Variants in ESR1 observed in about 807,000 individuals in gnomAD.
ESR1 encodes the protein estrogen receptor 1.
Under a neutral mutation model 52.7 loss-of-function variants are expected in ESR1, and 12 were observed. The observed-to-expected ratio is 0.23, with a 90% CI of 0.15 to 0.37. ESR1 has a LOEUF of 0.37. Ranked by LOEUF, ESR1 falls within the 10% of genes least tolerant of loss-of-function variation. ESR1 has a pLI of 1.00. For missense variants in ESR1, 584 were observed against 779.7 expected (o/e 0.75, Z 2.99); for synonymous variants, 305 against 316.8 (o/e 0.96, Z 0.39).
chr6:151,972,970 C>T (rs1376715828), intron 4 of ESR1, among the ~76,000 whole-genome samples: 1 of 152,168 alleles, frequency 6.6e-6, no homozygotes, highest in Admixed American at 6.5e-5. Context: ...CTAAACCAGT[C>T]TAGTCTTTCC....
chr6:151,970,387 T>C (rs982380483), intron 4 of ESR1, among the ~76,000 whole-genome samples: 3 of 152,082 alleles, frequency 2.0e-5, no homozygotes, highest in Non-Finnish European at 4.4e-5. Flanking sequence ...CACAAGCATA[T>C]ACAAATTTTA....
At chr6:151,740,159 C>T (rs1423104156) in intron 2 of ESR1, among the ~76,000 whole-genome samples, 1 of 151,972 alleles carries the variant, frequency 6.6e-6, no homozygotes, top group African/African-American at 2.4e-5. Context: ...AGCTCTGTCA[C>T]CCAGCCTGGA....
rs113293464 is a variant in ESR1 at position 151,714,723 on chromosome 6, A to G, written c.-71+12718A>G. Among the ~76,000 whole-genome samples, 392 of 151,966 alleles carry G rather than the reference A, an allele frequency of 2.6e-3. 2 individuals carry two copies. Among genetic ancestry groups the G allele is most frequent in the African/African-American group, 8.7e-3 (360 of 41,460 alleles). ...TCCGCCATTCCTTTATTTTGAGCCT[A>G]TGTGTATCTTTGCATGTGATATGGG... On this transcript the variant is annotated intron_variant, in intron 2 of 2. Coordinates refer to the ESR1 transcript ENST00000404742.
chr6:151,968,780 C>T (rs964060703), intron 4 of ESR1, among the ~76,000 whole-genome samples: 21 of 152,092 alleles, frequency 1.4e-4, no homozygotes, highest in African/African-American at 4.1e-4. Flanking sequence ...CATTTCCTCT[C>T]GCAGGCACAC....
chr6:152,088,545 C>T (rs1416169888), intron 6 of ESR1, among the ~76,000 whole-genome samples: 1 of 152,178 alleles, frequency 6.6e-6, no homozygotes, highest in African/African-American at 2.4e-5. Flanking sequence ...GTGGTTGAAA[C>T]CATTCACGGA....
At chr6:151,850,710 C>T (rs370153011) in intron 2 of ESR1, among the ~76,000 whole-genome samples, 10 of 152,054 alleles carry the variant, frequency 6.6e-5, no homozygotes, top group African/African-American at 2.2e-4. Context: ...CCACTCCCTC[C>T]GGCATCCGTA....
intron 2 of ESR1, among the ~76,000 whole-genome samples, chr6:151,705,850 T>C (rs753329573): frequency 2.0e-5 from 3 of 152,222 alleles, no homozygotes; most frequent in Admixed American, 6.5e-5. Flanking sequence ...AGAGGATCCT[T>C]AGTACATGCT....
At chr6:151,949,574 C>T (rs1461898175) in intron 4 of ESR1, among the ~76,000 whole-genome samples, 1 of 152,238 alleles carries the variant, frequency 6.6e-6, no homozygotes, top group Non-Finnish European at 1.5e-5. Flanking sequence ...TTAGATTTTG[C>T]ACCCACTGTA....
At position 151,969,842 on chromosome 6, in the gene ESR1, TTTG is replaced by T. The variant is rs58812094; in HGVS notation, c.1096+25355_1096+25357del. 2.3e-3 allele frequency among the ~76,000 whole-genome samples: 353 copies of T among 152,016 alleles called. 1 individual carries two copies. Among genetic ancestry groups the T allele is most frequent in the East Asian group, 0.011 (59 of 5,174 alleles). ...AAATCTCCTAATCCTATTCTGTGCT[TTTG>T]TTGTTGTTGTTGTTGTTGTTAGTGG... On this transcript the variant is annotated intron_variant, in intron 4 of 7. Coordinates refer to ENST00000206249, the MANE Select transcript of ESR1 (RefSeq NM_000125.4).
chr6:152,023,088 A>G (rs2043823031), intron 5 of ESR1, among the ~76,000 whole-genome samples: 1 of 152,190 alleles, frequency 6.6e-6, no homozygotes, highest in Non-Finnish European at 1.5e-5. Context: ...TCAGGAGCTC[A>G]TTGTTTCTAA....
At position 152,053,653 on chromosome 6, in the gene ESR1, CCT is replaced by C. The variant is rs147485631; in HGVS notation, c.1236-7319_1236-7318del. 0.23 allele frequency among the ~76,000 whole-genome samples: 33,603 copies of C among 146,462 alleles called. 5,387 individuals carry two copies. Among genetic ancestry groups the C allele is most frequent in the African/African-American group, 0.45 (18,331 of 40,310 alleles). ...TTCTTTCTGTCTCTGTCTCTGTCTG[CCT>C]CTCTCTCTCTCTCTCTCTTCCCTAG... On this transcript the variant is annotated intron_variant, in intron 5 of 7. Transcript: ENST00000206249. This position sits in a 1 kb window ranked among gnomAD's most constrained non-coding sequence, Gnocchi z 4.1.
chr6:151,710,723 GC>G (rs563081982), intron 2 of ESR1, among the ~76,000 whole-genome samples: 2 of 151,264 alleles, frequency 1.3e-5, no homozygotes, highest in Non-Finnish European at 1.5e-5. Flanking sequence ...CCCTCCCCTA[GC>G]CCCCCACCCT....
intron 2 of ESR1, among the ~76,000 whole-genome samples, chr6:151,743,385 A>G (rs1783243657): frequency 6.6e-6 from 1 of 152,206 alleles, no homozygotes; most frequent in South Asian, 2.1e-4. Context: ...CACAAGAGCC[A>G]TTTGTTGGAA....
At chr6:152,122,646 A>G (rs111925860) in intron 6 of ESR1, 1 of 1,614,078 alleles carries the variant, frequency 6.2e-7, no homozygotes, top group Non-Finnish European at 8.5e-7. Context: ...CTGGCTCAGA[A>G]AGGGAGGAAT....
intron 2 of ESR1, 41 bp downstream of exon 2, chr6:151,842,828 G>A (rs2128235064): frequency 6.3e-7 from 1 of 1,581,322 alleles, no homozygotes; most frequent in South Asian, 1.1e-5. Context: ...TTGATCCTAT[G>A]AGCAGATCCT....
chr6:151,896,629 T>A (rs1279572564), intron 3 of ESR1, among the ~76,000 whole-genome samples: 3 of 152,106 alleles, frequency 2.0e-5, no homozygotes, highest in Non-Finnish European at 2.9e-5. Context: ...TCTTTTCAAA[T>A]AACCAGCTTC....
rs143099262 is a variant in ESR1 at position 151,959,321 on chromosome 6, C to T, written c.1096+14813C>T. 2.6e-3 allele frequency among the ~76,000 whole-genome samples: 400 copies of T among 152,306 alleles called. 3 individuals carry two copies. The highest frequency in any genetic ancestry group is 9.2e-3 in the African/African-American group (382 of 41,578). Reference sequence around the variant, plus strand: ...TTAGTCATTTGTGACAGCATAAGTTCTTAATTGTTAGGAATCACTGGTGCG... The same window carrying T: ...TTAGTCATTTGTGACAGCATAAGTTTTTAATTGTTAGGAATCACTGGTGCG... On this transcript the variant is annotated intron_variant, in intron 4 of 7. Transcript: ENST00000206249.
At chr6:151,877,963 T>C (rs1017246668) in intron 2 of ESR1, among the ~76,000 whole-genome samples, 1 of 151,896 alleles carries the variant, frequency 6.6e-6, no homozygotes, top group African/African-American at 2.4e-5. Context: ...GCATGTGCCA[T>C]CATGCCAGGC....
intron 5 of ESR1, among the ~76,000 whole-genome samples, chr6:152,012,448 TAA>T (rs1490278006): frequency 6.6e-6 from 1 of 152,090 alleles, no homozygotes; most frequent in East Asian, 1.9e-4. Flanking sequence ...GCTGTGATGC[TAA>T]ACACTTTACA....
Sources: gnomAD v4.1 joint callset for allele counts (sites outside exome capture counted in the v4.1 genomes callset) on GRCh38, gnomAD v4.1.1 for gene constraint, Gnocchi (gnomAD v3.1) non-coding constraint, MANE v1.5 for transcripts, NCBI Gene and HGNC (gene_info 2026-07-23, HGNC 2026-07-21) for gene names.